Variants in SCFD2 observed in about 807,000 individuals in gnomAD.
SCFD2 encodes sec1 family domain containing 2, also known as sec1 family domain-containing protein 2.
A neutral mutation model predicts 58.9 loss-of-function variants in SCFD2; 54 were observed. That is an observed-to-expected ratio of 0.92 (90% confidence interval 0.74 to 1.15). SCFD2 has a LOEUF of 1.15. SCFD2 is among the 50% of genes most tolerant of loss of function. SCFD2 has a pLI of 0.00. For synonymous variants in SCFD2, 321 were observed against 335.9 expected (o/e 0.96, Z 0.49); for missense variants, 805 against 836.6 (o/e 0.96, Z 0.47).
rs115891205 is a variant in SCFD2 at position 53,246,760 on chromosome 4, G to C, written c.1311+27066C>G. Among the ~76,000 whole-genome samples the C allele has an allele frequency of 7.0e-3, 1,058 of 152,144 alleles. 17 individuals carry two copies. The highest frequency in any genetic ancestry group is 0.024 in the African/African-American group (987 of 41,520). On this transcript the variant is annotated intron_variant, in intron 4 of 8. Coordinates refer to ENST00000401642, the MANE Select transcript of SCFD2 (RefSeq NM_152540.4). ...TATAAAAACCCTGGAAGATAACCTA[G>C]GTAACATCATTCTGGACGTAGGAAC...
rs536763036 is a variant in SCFD2, at chr4:53,172,664, G to C, written c.1312-27082C>G. ...TTGTAAATTTCCCAAGATTTTTCCT[G>C]TTACTGATTTCTAGTTTTATATCAT... On this transcript the variant is annotated intron_variant, in intron 4 of 8. Coordinates refer to ENST00000401642, the MANE Select transcript of SCFD2 (RefSeq NM_152540.4). Among the ~76,000 whole-genome samples the C allele has an allele frequency of 2.6e-5, 4 of 152,138 alleles. No homozygotes were observed. In the South Asian group the frequency reaches 6.2e-4, roughly 24 times the overall value.
chr4:53,083,691 T>C (rs184974958), intron 5 of SCFD2, among the ~76,000 whole-genome samples: 1 of 152,260 alleles, frequency 6.6e-6, no homozygotes, highest in Admixed American at 6.5e-5. Flanking sequence ...AGAGAGACAG[T>C]ACAAAGAGAG....
intron 2 of SCFD2, among the ~76,000 whole-genome samples, chr4:53,344,744 A>C (rs1306528268): frequency 6.6e-6 from 1 of 152,216 alleles, no homozygotes; most frequent in African/African-American, 2.4e-5. Context: ...ACTGGTACCA[A>C]AACAGATATA....
At chr4:53,113,782 T>C (rs1030090519) in intron 5 of SCFD2, among the ~76,000 whole-genome samples, 1 of 151,836 alleles carries the variant, frequency 6.6e-6, no homozygotes, top group African/African-American at 2.4e-5. Flanking sequence ...TGGATAATGT[T>C]TATAAAGTGG....
intron 4 of SCFD2, among the ~76,000 whole-genome samples, chr4:53,268,294 G>T (rs1731053084): frequency 6.6e-6 from 1 of 152,128 alleles, no homozygotes; most frequent in Non-Finnish European, 1.5e-5. Flanking sequence ...TGAGGATCCA[G>T]GGCAGGGGAT....
At chr4:53,255,757 C>A (rs1560415070) in intron 4 of SCFD2, among the ~76,000 whole-genome samples, 1 of 151,920 alleles carries the variant, frequency 6.6e-6, no homozygotes, top group Non-Finnish European at 1.5e-5. Flanking sequence ...GGTGGCCGGG[C>A]AGAGGGGCTC....
intron 5 of SCFD2, among the ~76,000 whole-genome samples, chr4:52,976,635 G>C (rs574766459): frequency 6.6e-6 from 1 of 152,136 alleles, no homozygotes; most frequent in African/African-American, 2.4e-5. Context: ...CTGAAGGAGC[G>C]GATGTTCCCA....
chr4:52,888,719 T>C (rs964765777), intron 7 of SCFD2, among the ~76,000 whole-genome samples: 3 of 152,242 alleles, frequency 2.0e-5, no homozygotes, highest in Non-Finnish European at 4.4e-5. Context: ...TTCCCTTTCT[T>C]GGTCTGCCCA....
intron 5 of SCFD2, among the ~76,000 whole-genome samples, chr4:53,030,444 A>C (rs146087193): frequency 0.03 from 4,500 of 151,214 alleles, 234 homozygotes; most frequent in African/African-American, 0.1. Context: ...TTTTTTTGAG[A>C]CAGAGTCTCA....
chr4:53,238,576 C>A (rs1210462447), intron 4 of SCFD2, among the ~76,000 whole-genome samples: 1 of 151,198 alleles, frequency 6.6e-6, no homozygotes, highest in African/African-American at 2.4e-5. Context: ...GGGCGGCTGC[C>A]GGGCGGAGGG....
intron 2 of SCFD2, among the ~76,000 whole-genome samples, chr4:53,350,999 T>C (rs1430707011): frequency 1.3e-5 from 2 of 152,194 alleles, no homozygotes; most frequent in Non-Finnish European, 2.9e-5. Context: ...CATAAGCCAT[T>C]GTACCTGGCC....
intron 5 of SCFD2, among the ~76,000 whole-genome samples, chr4:52,938,039 TG>T (rs1301281953): frequency 6.6e-6 from 1 of 152,230 alleles, no homozygotes; most frequent in Admixed American, 6.5e-5. Flanking sequence ...GTCCTAAACA[TG>T]GGTTAGAACA....
intron 5 of SCFD2, among the ~76,000 whole-genome samples, chr4:52,996,342 CTGGAGT>C (rs1721740914): frequency 1.3e-5 from 2 of 152,266 alleles, no homozygotes; most frequent in Admixed American, 6.5e-5. Context: ...AATCCTCCAG[CTGGAGT>C]GGAGTCGCCT....
At chr4:53,092,913 A>T (rs2148867584) in intron 5 of SCFD2, among the ~76,000 whole-genome samples, 1 of 152,166 alleles carries the variant, frequency 6.6e-6, no homozygotes, top group South Asian at 2.1e-4. Flanking sequence ...GAAGGAGATT[A>T]TTGCTACTGT....
intron 2 of SCFD2, among the ~76,000 whole-genome samples, chr4:53,321,728 C>T (rs1007539259): frequency 6.6e-6 from 1 of 152,116 alleles, no homozygotes; most frequent in Non-Finnish European, 1.5e-5. Flanking sequence ...GTCATCTTTC[C>T]TCTTGACTAC....
chr4:52,966,199 G>A (rs577823176), intron 5 of SCFD2, among the ~76,000 whole-genome samples: 1 of 152,322 alleles, frequency 6.6e-6, no homozygotes, highest in African/African-American at 2.4e-5. Flanking sequence ...CCAGGATTTT[G>A]TTGTGCTTTA....
At chr4:53,023,604 A>G (rs1462343996) in intron 5 of SCFD2, among the ~76,000 whole-genome samples, 1 of 152,192 alleles carries the variant, frequency 6.6e-6, no homozygotes, top group Non-Finnish European at 1.5e-5. Flanking sequence ...AATCTCATCT[A>G]TATAGGACAT....
chr4:53,185,868 A>G (rs1399457002), intron 4 of SCFD2, among the ~76,000 whole-genome samples: 1 of 152,140 alleles, frequency 6.6e-6, no homozygotes, highest in Non-Finnish European at 1.5e-5. Flanking sequence ...TTTCCTTCAG[A>G]AATATCCTGC....
chr4:53,223,569 T>C (rs1455701753), intron 4 of SCFD2, among the ~76,000 whole-genome samples: 1 of 152,248 alleles, frequency 6.6e-6, no homozygotes, highest in African/African-American at 2.4e-5. Flanking sequence ...CTTGCATGTC[T>C]TTCCCGTCCT....
Sources: gnomAD v4.1 joint callset for allele counts (sites outside exome capture counted in the v4.1 genomes callset) on GRCh38, gnomAD v4.1.1 for gene constraint, MANE v1.5 for transcripts, NCBI Gene and HGNC (gene_info 2026-07-23, HGNC 2026-07-21) for gene names.